The following SPON1 variants were observed in gnomAD, a reference collection of about 807,000 sequenced individuals.
SPON1 encodes the protein spondin-1.
SPON1 carries 52 observed loss-of-function variants against 111.7 expected under a neutral mutation model. That is an observed-to-expected ratio of 0.47 (90% confidence interval 0.37 to 0.59). The LOEUF (loss-of-function observed/expected upper bound fraction) is 0.59, where lower values mean the gene tolerates loss of function less well. SPON1 is among the 20% of genes least tolerant of loss of function. SPON1 has a pLI of 0.00. For synonymous variants in SPON1, 410 were observed against 395.8 expected, an observed-to-expected ratio of 1.04 and a Z score of -0.43; for missense variants, 957 against 1,068.5, an observed-to-expected ratio of 0.90 and a Z score of 1.46.
rs1349583068 is a variant in SPON1 at position 14,161,306 on chromosome 11, T to TATATTTATATATA, written c.825+25738_825+25739insATATTTATATATA. On this transcript the variant is annotated intron_variant, in intron 6 of 15. Transcript: ENST00000576479. ...ATATATTTATATATTTATATATATATTTTTTTATATCTATATATTTATATA... is the reference window on the plus strand; with the variant it reads ...ATATATTTATATATTTATATATATATATATTTATATATATTTTTTATATCTATATATTTATATA... Among the ~76,000 whole-genome samples, 31 of 75,768 alleles carry TATATTTATATATA rather than the reference T, an allele frequency of 4.1e-4. 6 individuals carry two copies. The highest frequency in any genetic ancestry group is 1.6e-3 in the South Asian group (4 of 2,506). 49.7% of individuals were successfully genotyped at this position (75,768 alleles called of 152,430 possible).
intron 6 of SPON1, among the ~76,000 whole-genome samples, chr11:14,235,585 T>G (rs1273075365): frequency 2.1e-5 from 3 of 141,350 alleles, no homozygotes; most frequent in Non-Finnish European, 4.5e-5. Flanking sequence ...ATGCTGAGGG[T>G]AGAAGGATGG....
chr11:14,046,246 C>G (rs1848667304), intron 3 of SPON1, among the ~76,000 whole-genome samples: 1 of 152,150 alleles, frequency 6.6e-6, no homozygotes, highest in South Asian at 2.1e-4. Context: ...AGCAACTAGC[C>G]TCAGGTACCC....
At chr11:14,203,071 C>A (rs186922160) in intron 6 of SPON1, among the ~76,000 whole-genome samples, 1 of 152,146 alleles carries the variant, frequency 6.6e-6, no homozygotes, top group African/African-American at 2.4e-5. Context: ...CCTGCCAGGG[C>A]GCAAGATGTC....
At chr11:14,141,029 C>CCCCCCCCCCCCCCCA (rs71041572) in intron 6 of SPON1, among the ~76,000 whole-genome samples, 2 of 132,268 alleles carry the variant, frequency 1.5e-5, no homozygotes, top group Non-Finnish European at 3.3e-5. Context: ...GTGCCCCCCC[C>CCCCCCCCCCCCCCCA]ATGCCCCACT....
intron 6 of SPON1, among the ~76,000 whole-genome samples, chr11:14,220,886 G>A (rs1848673288): frequency 6.6e-6 from 1 of 152,118 alleles, no homozygotes; most frequent in South Asian, 2.1e-4. Context: ...TGAACAGAAG[G>A]ATTAAAATAG....
intron 6 of SPON1, among the ~76,000 whole-genome samples, chr11:14,142,238 G>A (rs782231408): frequency 3.3e-5 from 5 of 152,138 alleles, no homozygotes; most frequent in Non-Finnish European, 5.9e-5. Context: ...TCATTCTTCA[G>A]CCTCTGTTTC....
intron 2 of SPON1, among the ~76,000 whole-genome samples, chr11:13,985,969 C>T (rs556247832): frequency 1.3e-5 from 2 of 152,272 alleles, no homozygotes; most frequent in Admixed American, 1.3e-4. Context: ...TGATATGTGG[C>T]CCCCATGCTG....
At chr11:14,101,837 G>C (rs1031065168) in intron 5 of SPON1, among the ~76,000 whole-genome samples, 1 of 152,118 alleles carries the variant, frequency 6.6e-6, no homozygotes, top group Non-Finnish European at 1.5e-5. Context: ...TGTTGTGGGG[G>C]TTTTATTATA....
chr11:14,139,952 T>C (rs192479350), intron 6 of SPON1, among the ~76,000 whole-genome samples: 62 of 152,234 alleles, frequency 4.1e-4, no homozygotes, highest in African/African-American at 1.4e-3. Flanking sequence ...AAAAAAAGAC[T>C]AGTGTGACAC....
chr11:14,169,800 A>G (rs1198042554), intron 6 of SPON1, among the ~76,000 whole-genome samples: 2 of 152,094 alleles, frequency 1.3e-5, no homozygotes, highest in South Asian at 2.1e-4. Context: ...AAGATCAGAT[A>G]GTTGTAGATA....
At chr11:14,159,041 T>A (rs931687458) in intron 6 of SPON1, among the ~76,000 whole-genome samples, 2 of 152,068 alleles carry the variant, frequency 1.3e-5, no homozygotes, top group Non-Finnish European at 2.9e-5. Context: ...TTACATCAAG[T>A]GTGACTTCCT....
At chr11:14,247,512 C>T (rs576372143) in intron 7 of SPON1, among the ~76,000 whole-genome samples, 26 of 152,218 alleles carry the variant, frequency 1.7e-4, no homozygotes, top group African/African-American at 6.0e-4. Flanking sequence ...AGGGTAGATG[C>T]GGGAGCCCAG....
At chr11:14,119,462 A>G (rs1343837767) in intron 5 of SPON1, among the ~76,000 whole-genome samples, 3 of 152,118 alleles carry the variant, frequency 2.0e-5, no homozygotes, top group African/African-American at 7.2e-5. Context: ...GAACTTCCCC[A>G]CACTCCCAGG....
chr11:14,193,556 C>T (rs2133893093), intron 6 of SPON1, among the ~76,000 whole-genome samples: 1 of 152,252 alleles, frequency 6.6e-6, no homozygotes, highest in African/African-American at 2.4e-5. Flanking sequence ...CCTTAAAGTG[C>T]ATTTTAAGTG....
intron 3 of SPON1, among the ~76,000 whole-genome samples, chr11:14,045,445 G>A (rs1848661511): frequency 1.3e-5 from 2 of 151,920 alleles, no homozygotes; most frequent in South Asian, 4.2e-4. Context: ...AGGTATGGTG[G>A]CATGCGCCTG....
chr11:14,158,807 CTAGTATCTCTTCTT>C (rs1847878022), intron 6 of SPON1, among the ~76,000 whole-genome samples: 4 of 152,054 alleles, frequency 2.6e-5, no homozygotes, highest in Admixed American at 1.3e-4. Context: ...GCAGGTGAAA[CTAGTATCTCTTCTT>C]TAAGTACTTG....
chr11:14,088,989 T>C (rs1849028988), intron 5 of SPON1, among the ~76,000 whole-genome samples: 2 of 151,968 alleles, frequency 1.3e-5, no homozygotes, highest in Admixed American at 6.5e-5. Context: ...AGGTCATTTA[T>C]GTTCTTCTCT....
chr11:14,261,105 T>C (rs566628938), intron 14 of SPON1, among the ~76,000 whole-genome samples: 43 of 152,304 alleles, frequency 2.8e-4, no homozygotes, highest in African/African-American at 8.4e-4. Flanking sequence ...ATTTTAATTC[T>C]ATTTTCCCTG....
intron 2 of SPON1, among the ~76,000 whole-genome samples, chr11:13,997,813 C>T (rs947882126): frequency 1.1e-4 from 17 of 152,262 alleles, no homozygotes; most frequent in African/African-American, 4.1e-4. Flanking sequence ...GGGTGGTTGG[C>T]TGGGCTCTCA....
Sources: gnomAD v4.1 joint callset for allele counts (sites outside exome capture counted in the v4.1 genomes callset) on GRCh38, gnomAD v4.1.1 for gene constraint, MANE v1.5 for transcripts, NCBI Gene and HGNC (gene_info 2026-07-23, HGNC 2026-07-21) for gene names.